The following DCBLD2 variants were observed in gnomAD, a reference collection of about 807,000 sequenced individuals.
DCBLD2 encodes the protein discoidin, CUB and LCCL domain containing 2, also known as discoidin, CUB and LCCL domain-containing protein 2.
DCBLD2 carries 54 observed loss-of-function variants against 86.8 expected under a neutral mutation model. The observed-to-expected ratio is 0.62, with a 90% CI of 0.50 to 0.78. The LOEUF is 0.78. Among genes scored for constraint, DCBLD2 ranks in the 30% least tolerant of loss-of-function variants. The pLI is 0.00. For missense variants in DCBLD2, 908 were observed against 954.2 expected (o/e 0.95, Z 0.64); for synonymous variants, 354 against 341.3 (o/e 1.04, Z -0.41).
intron 2 of DCBLD2, among the ~76,000 whole-genome samples, chr3:98,877,159 A>G (rs1943386494): frequency 6.6e-6 from 1 of 152,204 alleles, no homozygotes; most frequent in Non-Finnish European, 1.5e-5. Flanking sequence ...CATATTCAAC[A>G]AAAGAGAAAG....
At chr3:98,855,278 A>T (rs1053390765) in intron 2 of DCBLD2, among the ~76,000 whole-genome samples, 1 of 152,218 alleles carries the variant, frequency 6.6e-6, no homozygotes, top group African/African-American at 2.4e-5. Context: ...AAAGCAAACT[A>T]TGTATAACAT....
At chr3:98,828,478 C>T (rs1377791705) in intron 3 of DCBLD2, among the ~76,000 whole-genome samples, 1 of 152,118 alleles carries the variant, frequency 6.6e-6, no homozygotes, top group East Asian at 1.9e-4. Context: ...CATTAGCCAT[C>T]AGGGAAATGC....
At chr3:98,868,061 C>T (rs1943190593) in intron 2 of DCBLD2, among the ~76,000 whole-genome samples, 1 of 152,088 alleles carries the variant, frequency 6.6e-6, no homozygotes, top group African/African-American at 2.4e-5. Flanking sequence ...CCTCAGCCTC[C>T]CAAAGTTCTG....
chr3:98,901,137 C>A lies in DCBLD2; in HGVS notation c.190G>T (p.Ala64Ser), dbSNP rs1444984431. 1 of 1,539,532 alleles carries A rather than the reference C, an allele frequency of 6.5e-7. No individual in the cohort carries two copies. The highest frequency in any genetic ancestry group is 8.7e-7 in the Non-Finnish European group (1 of 1,146,770). The change falls in exon 1 of 16, where the codon GCT becomes TCT. Residue 64 changes from alanine to serine, a missense_variant. Transcript: ENST00000326840. The part of the protein sequence containing the change: ...LLVLLLLLED[A>S]GAQQGDGCGH... ...GACCACTCACCTTGCTGGGCTCCAG[C>A]GTCCTCGAGCAGCAGGAGCAGGACA... is the stretch of plus-strand genomic sequence containing the variant.
At chr3:98,835,792 CACCT>C (rs1260694927) in intron 3 of DCBLD2, among the ~76,000 whole-genome samples, 2 of 151,876 alleles carry the variant, frequency 1.3e-5, no homozygotes, top group African/African-American at 4.8e-5. Context: ...TCAGGTGATT[CACCT>C]ACCTTGGCCT....
chr3:98,885,125 C>T (rs1265797492), intron 1 of DCBLD2, among the ~76,000 whole-genome samples: 2 of 151,946 alleles, frequency 1.3e-5, no homozygotes, highest in Non-Finnish European at 1.5e-5. Flanking sequence ...TTTTCATAAC[C>T]TTGTGTAGGG....
intron 2 of DCBLD2, among the ~76,000 whole-genome samples, chr3:98,871,215 A>G (rs915477760): frequency 1.3e-4 from 20 of 152,264 alleles, no homozygotes; most frequent in African/African-American, 4.3e-4. Context: ...AAGGTATAAG[A>G]TCACATCATC....
chr3:98,887,713 G>C (rs1943586526), intron 1 of DCBLD2, among the ~76,000 whole-genome samples: 1 of 151,948 alleles, frequency 6.6e-6, no homozygotes, highest in African/African-American at 2.4e-5. Flanking sequence ...TAATAAAACT[G>C]AATAGAAAGA....
At chr3:98,862,193 C>T (rs200946015) in intron 2 of DCBLD2, among the ~76,000 whole-genome samples, 13 of 152,206 alleles carry the variant, frequency 8.5e-5, no homozygotes, top group African/African-American at 1.7e-4. Flanking sequence ...AATCCCTGAA[C>T]AGACCAATAA....
chr3:98,842,843 A>C (rs1942645351), intron 3 of DCBLD2, among the ~76,000 whole-genome samples: 1 of 152,228 alleles, frequency 6.6e-6, no homozygotes. Context: ...TGTGACCTAC[A>C]CAGTATCTAG....
At chr3:98,829,366 C>T (rs1034020287) in intron 3 of DCBLD2, among the ~76,000 whole-genome samples, 10 of 152,014 alleles carry the variant, frequency 6.6e-5, no homozygotes, top group African/African-American at 2.4e-4. Flanking sequence ...TGGGGGTTTG[C>T]TGTATCTTTT....
chr3:98,856,281 T>C (rs1185483948), intron 2 of DCBLD2, among the ~76,000 whole-genome samples: 1 of 151,918 alleles, frequency 6.6e-6, no homozygotes, highest in Non-Finnish European at 1.5e-5. Context: ...ATAATCTGCC[T>C]CAAAACCTCA....
chr3:98,800,815 A>G, intron 14 of DCBLD2, 99 bp from the exon 15 acceptor site: 12 of 1,537,170 alleles, frequency 7.8e-6, no homozygotes, highest in South Asian at 6.1e-5. Flanking sequence ...AGCCATTTCT[A>G]TAACAAATAT....
chr3:98,849,426 A>T, intron 3 of DCBLD2, 35 bp downstream of exon 3: 1 of 1,612,096 alleles, frequency 6.2e-7, no homozygotes, highest in Non-Finnish European at 8.5e-7. Context: ...TAGAAATTAC[A>T]AACTGTAGGA....
intron 1 of DCBLD2, among the ~76,000 whole-genome samples, chr3:98,899,799 G>A (rs1411080290): frequency 6.6e-6 from 1 of 152,136 alleles, no homozygotes; most frequent in Non-Finnish European, 1.5e-5. Flanking sequence ...TTGTAGTGAA[G>A]ATTCAAGGAG....
In DCBLD2 at chr3:98,800,570, CAT is replaced by C; in HGVS notation, c.1858+7_1858+8del. The C allele has an allele frequency of 6.2e-7, 1 of 1,610,048 alleles. No homozygotes were observed. The highest frequency in any genetic ancestry group is 8.5e-7 in the Non-Finnish European group (1 of 1,177,638). ...TCTGCCTGGTACCAGAAGGCTGCAACATAGTTACCTGCAGAGTCAGCCTGCAG... is the reference window on the plus strand; with the variant it reads ...TCTGCCTGGTACCAGAAGGCTGCAACAGTTACCTGCAGAGTCAGCCTGCAG... On this transcript the variant is annotated splice_region_variant and intron_variant, in intron 15 of 15. Transcript: ENST00000326840.
chr3:98,811,235 G>C lies in DCBLD2; in HGVS notation c.1535C>G (p.Pro512Arg). The C allele has an allele frequency of 6.2e-7, 1 of 1,611,876 alleles. No individual in the cohort carries two copies. The change falls in exon 12 of 16, where the codon CCT becomes CGT. Residue 512 changes from proline to arginine, a missense_variant. Physicochemically the swap from Pro to Arg is moderately radical, Grantham distance 103. This residue lies in a region of DCBLD2 where 606 missense variants were observed against 678.5 expected (regional missense o/e 0.89). Transcript: ENST00000326840. Reference sequence around the variant, plus strand: ...AGTTACGGTAGTATTTCTGATATCAGGACTGGCAGTTGTTTGTTCTGTCTG... The same window carrying C: ...AGTTACGGTAGTATTTCTGATATCACGACTGGCAGTTGTTTGTTCTGTCTG... ...PAQTEQTTASPDIRNTTVTPN... is the reference protein window; with the variant it reads ...PAQTEQTTASRDIRNTTVTPN...
intron 12 of DCBLD2, among the ~76,000 whole-genome samples, chr3:98,808,716 T>G (rs1035022918): frequency 6.6e-6 from 1 of 152,176 alleles, no homozygotes; most frequent in Admixed American, 6.5e-5. Context: ...CAACAACTAA[T>G]TGATGAACAG....
intron 4 of DCBLD2, among the ~76,000 whole-genome samples, chr3:98,823,539 TCA>T (rs1942160039): frequency 2.6e-5 from 4 of 152,166 alleles, no homozygotes; most frequent in Admixed American, 2.6e-4. Context: ...TTTACAAAAG[TCA>T]AACAGACAAA....
Sources: allele counts gnomAD v4.1 joint callset (sites outside exome capture counted in the v4.1 genomes callset), GRCh38; gene constraint gnomAD v4.1.1; regional missense constraint gnomAD v4.1.1; transcripts MANE v1.5; gene names NCBI Gene and HGNC (gene_info 2026-07-23, HGNC 2026-07-21).